The following RHCE variants were observed in gnomAD, a reference collection of about 807,000 sequenced individuals.
RHCE encodes the protein Rh blood group CcEe antigens.
In RHCE, 22 loss-of-function variants were observed where a neutral mutation model predicts 43.8. The ratio of observed to expected loss-of-function variants is 0.50; its 90% CI spans 0.36 to 0.72. The LOEUF is 0.72. RHCE is among the 30% of genes least tolerant of loss of function. RHCE has a pLI of 0.00. For synonymous variants in RHCE, 156 were observed against 210.7 expected (o/e 0.74, Z 2.25); for missense variants, 385 against 525.4 (o/e 0.73, Z 2.61).
intron 6 of RHCE, 73 bp from the exon 7 acceptor site, chr1:25,385,917 C>G (rs1646142451): frequency 1.2e-6 from 2 of 1,611,632 alleles, no homozygotes; most frequent in Non-Finnish European, 8.5e-7. Flanking sequence ...TTCACACACC[C>G]TTGGTATCCG....
intron 2 of RHCE, among the ~76,000 whole-genome samples, chr1:25,426,627 G>A (rs1169690569): frequency 1.3e-5 from 2 of 152,180 alleles, no homozygotes; most frequent in African/African-American, 2.4e-5. Context: ...TTGGAGTGGC[G>A]GCTGCCATAG....
At chr1:25,427,635 T>G (rs1026498759) in intron 2 of RHCE, among the ~76,000 whole-genome samples, 1 of 152,226 alleles carries the variant, frequency 6.6e-6, no homozygotes, top group African/African-American at 2.4e-5. Context: ...AGATGGGCAG[T>G]CCTGCTCTGG....
intron 7 of RHCE, among the ~76,000 whole-genome samples, chr1:25,376,792 C>T (rs1278161059): frequency 1.8e-4 from 27 of 151,976 alleles, no homozygotes; most frequent in African/African-American, 6.5e-4. Context: ...CAGGTGCCTG[C>T]AGTCCCAGCT....
chr1:25,413,023 C>G (rs1557641052), intron 1 of RHCE, among the ~76,000 whole-genome samples: 3 of 149,756 alleles, frequency 2.0e-5, no homozygotes, highest in African/African-American at 7.4e-5. Context: ...GACTCCGGCT[C>G]AAAAAAAAAG....
At position 25,362,423 on chromosome 1, in the gene RHCE, G is replaced by T. The variant is rs761485506; in HGVS notation, c.*104C>A. 5 of 1,613,700 alleles carry T rather than the reference G, an allele frequency of 3.1e-6. No individual in the cohort carries two copies. In the East Asian group the frequency reaches 6.7e-5, roughly 22 times the overall value. On this transcript the variant is annotated 3_prime_UTR_variant, in exon 10 of 10. Transcript: ENST00000294413. ...TCTGACCTTGTTTCATTATACATAAGGAGACTTTGCTGTCATGAGCGTTTC... is the reference window on the plus strand; with the variant it reads ...TCTGACCTTGTTTCATTATACATAATGAGACTTTGCTGTCATGAGCGTTTC...
chr1:25,399,193 A>T, intron 3 of RHCE: 1 of 975,262 alleles, frequency 1.0e-6, no homozygotes, highest in Non-Finnish European at 1.7e-6. Context: ...ATGCTGTGGA[A>T]GCTCTGACCT....
intron 3 of RHCE, among the ~76,000 whole-genome samples, chr1:25,393,108 T>A (rs686631): frequency 0.6 from 90,947 of 152,084 alleles, 28,810 homozygotes; most frequent in African/African-American, 0.81. Flanking sequence ...GCTTCATAAC[T>A]TATTTAGTGG....
chr1:25,362,532 A>G lies in RHCE; in HGVS notation c.1249T>C (p.Phe417Leu), dbSNP rs761433940. ...FWKFPHLAVGF is the reference protein window; with the variant it reads ...FWKFPHLAVGL ...TTTTTCTTGGATGCTTTTGCTTAAAATCCAACAGCCAAATGAGGAAACTGT... is the reference window on the plus strand; with the variant it reads ...TTTTTCTTGGATGCTTTTGCTTAAAGTCCAACAGCCAAATGAGGAAACTGT... Residue 417 changes from phenylalanine to leucine, a missense_variant, in exon 10 of 10, where the codon TTT (phenylalanine) becomes CTT (leucine). This residue lies in a region of RHCE where 26 missense variants were observed against 37.1 expected (regional missense o/e 0.70). Transcript: ENST00000294413. The G allele has an allele frequency of 6.3e-7, 1 of 1,593,668 alleles. No individual in the cohort carries two copies. Among genetic ancestry groups the G allele is most frequent in the Non-Finnish European group, 8.6e-7 (1 of 1,164,370 alleles).
At chr1:25,390,997 C>T in intron 4 of RHCE, 82 bp from the exon 5 acceptor site, 11 of 1,592,244 alleles carry the variant, frequency 6.9e-6, no homozygotes, top group Non-Finnish European at 9.5e-6. Context: ...GATGAGAATC[C>T]TAGGGCTGGA....
intron 1 of RHCE, among the ~76,000 whole-genome samples, chr1:25,414,136 T>G (rs1205596771): frequency 3.3e-5 from 5 of 151,796 alleles, no homozygotes; most frequent in Non-Finnish European, 7.4e-5. Context: ...TGATTAGCGG[T>G]GTGACTTTAG....
At chr1:25,379,179 G>A (rs956019554) in intron 7 of RHCE, among the ~76,000 whole-genome samples, 6 of 151,800 alleles carry the variant, frequency 4.0e-5, no homozygotes, top group African/African-American at 1.5e-4. Context: ...ATGGCAGAGG[G>A]TATCACATGG....
chr1:25,390,641 C>T lies in RHCE; in HGVS notation c.801+108G>A, dbSNP rs1201403714. On this transcript the variant is annotated intron_variant, in intron 5 of 9. Coordinates refer to ENST00000294413, the MANE Select transcript of RHCE (RefSeq NM_020485.8). ...TAGAGGCAGGCACAGCTCCACCACCCGGCATGCCCTCTCCCAACCCACGCT... is the reference window on the plus strand; with the variant it reads ...TAGAGGCAGGCACAGCTCCACCACCTGGCATGCCCTCTCCCAACCCACGCT... The T allele has an allele frequency of 2.8e-5, 37 of 1,305,498 alleles. No individual in the cohort carries two copies. The East Asian group carries it at 3.0e-4, about 11-fold the overall frequency. The allele number at this position is 1,305,498 out of a possible 1,614,324, so 80.9% of individuals were successfully genotyped here.
chr1:25,379,451 GTATATATATATATATA>G lies in RHCE; in HGVS notation c.1074-4039_1074-4024del, dbSNP rs1189074254. Among the ~76,000 whole-genome samples the G allele has an allele frequency of 4.3e-3, 217 of 50,956 alleles. 2 individuals carry two copies. The highest frequency in any genetic ancestry group is 9.0e-3 in the Admixed American group (29 of 3,228). 33.4% of individuals were successfully genotyped at this position (50,956 alleles called of 152,430 possible). On this transcript the variant is annotated intron_variant, in intron 7 of 9. Transcript: ENST00000294413. ...CAAAATTCATCCCAATAGCACCAAA[GTATATATATATATATA>G]TATATATATATATATATATATATAT... is the stretch of plus-strand genomic sequence containing the variant.
intron 1 of RHCE, among the ~76,000 whole-genome samples, chr1:25,418,677 G>A (rs1196280193): frequency 6.6e-6 from 1 of 152,200 alleles, no homozygotes; most frequent in African/African-American, 2.4e-5. Context: ...GTGTGCACAC[G>A]CAATGGCACC....
At chr1:25,400,957 A>G (rs961662484) in intron 3 of RHCE, among the ~76,000 whole-genome samples, 2 of 152,038 alleles carry the variant, frequency 1.3e-5, no homozygotes, top group Non-Finnish European at 2.9e-5. Context: ...CCTCACAGCT[A>G]TTGTCCTAGT....
intron 4 of RHCE, among the ~76,000 whole-genome samples, chr1:25,391,759 C>T (rs1646374178): frequency 6.6e-6 from 1 of 152,186 alleles, no homozygotes; most frequent in African/African-American, 2.4e-5. Flanking sequence ...TTGAAACTCA[C>T]ACATAATGAG....
At chr1:25,426,062 C>T (rs2042803199) in intron 2 of RHCE, among the ~76,000 whole-genome samples, 1 of 152,186 alleles carries the variant, frequency 6.6e-6, no homozygotes, top group Non-Finnish European at 1.5e-5. Context: ...AAATCAGTGT[C>T]AATCTCACTG....
At chr1:25,419,389 T>C (rs1417568675) in intron 1 of RHCE, among the ~76,000 whole-genome samples, 2 of 152,182 alleles carry the variant, frequency 1.3e-5, no homozygotes, top group Non-Finnish European at 2.9e-5. Context: ...GGCTCCTCTC[T>C]GGGCCAGCAC....
intron 8 of RHCE, among the ~76,000 whole-genome samples, chr1:25,372,831 G>T (rs1645654557): frequency 1.3e-5 from 2 of 151,642 alleles, no homozygotes. Flanking sequence ...TTGAGACAGG[G>T]TCTTGCTCTG....
Sources: allele counts gnomAD v4.1 joint callset (sites outside exome capture counted in the v4.1 genomes callset), GRCh38; gene constraint gnomAD v4.1.1; regional missense constraint gnomAD v4.1.1; transcripts MANE v1.5; gene names NCBI Gene and HGNC (gene_info 2026-07-23, HGNC 2026-07-21).